Variants in MACROD2 observed in about 807,000 individuals in gnomAD.
The protein encoded by MACROD2 is ADP-ribose glycohydrolase MACROD2.
In MACROD2, 36 loss-of-function variants were observed where a neutral mutation model predicts 70.4. The ratio of observed to expected loss-of-function variants is 0.51; its 90% CI spans 0.39 to 0.68. MACROD2 has a LOEUF of 0.68. Ranked by LOEUF, MACROD2 falls within the 30% of genes least tolerant of loss-of-function variation. MACROD2 has a pLI of 0.00. For missense variants in MACROD2, 496 were observed against 538.4 expected (o/e 0.92, Z 0.78); for synonymous variants, 172 against 178.8 (o/e 0.96, Z 0.30).
intron 8 of MACROD2, among the ~76,000 whole-genome samples, chr20:15,589,282 G>A (rs1000483726): frequency 1.5e-4 from 23 of 152,210 alleles, no homozygotes; most frequent in African/African-American, 5.3e-4. Flanking sequence ...TGGGAATTCT[G>A]GGAGATACAA....
chr20:14,869,863 C>T (rs1049698750), intron 5 of MACROD2, among the ~76,000 whole-genome samples: 4 of 152,072 alleles, frequency 2.6e-5, no homozygotes, highest in Admixed American at 6.6e-5. Flanking sequence ...ATGTCTCGTT[C>T]ACCTCAAATT....
At chr20:14,641,807 A>C (rs1156816336) in intron 4 of MACROD2, among the ~76,000 whole-genome samples, 1 of 152,204 alleles carries the variant, frequency 6.6e-6, no homozygotes, top group East Asian at 1.9e-4. Context: ...TTGTTGCTCC[A>C]TTTATAAAGC....
chr20:15,709,141 A>G (rs767039149), intron 8 of MACROD2, among the ~76,000 whole-genome samples: 7 of 152,162 alleles, frequency 4.6e-5, no homozygotes, highest in Admixed American at 2.6e-4. Context: ...CCCCACCTAT[A>G]GGAAAAGCAC....
intron 9 of MACROD2, among the ~76,000 whole-genome samples, chr20:15,866,616 T>C (rs2064497283): frequency 6.6e-6 from 1 of 152,170 alleles, no homozygotes; most frequent in Non-Finnish European, 1.5e-5. Context: ...ATAGGTTCGT[T>C]TTCTCAGAGC....
At chr20:14,930,322 C>T (rs1568882462) in intron 5 of MACROD2, among the ~76,000 whole-genome samples, 1 of 152,100 alleles carries the variant, frequency 6.6e-6, no homozygotes, top group Non-Finnish European at 1.5e-5. Flanking sequence ...ACCTTGTTGT[C>T]AATGTGGAAT....
At chr20:14,241,122 A>G (rs1258543298) in intron 3 of MACROD2, among the ~76,000 whole-genome samples, 2 of 152,234 alleles carry the variant, frequency 1.3e-5, no homozygotes, top group African/African-American at 2.4e-5. Flanking sequence ...TCTCAAAAAA[A>G]AAAAGTTTTT....
At chr20:15,096,998 G>C (rs573858141) in intron 5 of MACROD2, among the ~76,000 whole-genome samples, 2 of 151,044 alleles carry the variant, frequency 1.3e-5, no homozygotes, top group African/African-American at 4.9e-5. Flanking sequence ...TTTTAGTAAA[G>C]ACAGGGTTTC....
intron 5 of MACROD2, among the ~76,000 whole-genome samples, chr20:14,953,125 T>C (rs781183375): frequency 6.6e-6 from 1 of 152,086 alleles, no homozygotes. Context: ...GGCCTGGTCA[T>C]CTTATTTTAT....
chr20:14,586,006 A>G (rs1225322314), intron 4 of MACROD2, among the ~76,000 whole-genome samples: 1 of 152,174 alleles, frequency 6.6e-6, no homozygotes, highest in Non-Finnish European at 1.5e-5. Flanking sequence ...TGTTATAAGG[A>G]CAACCAGTGC....
At chr20:14,925,130 G>T (rs2074214149) in intron 5 of MACROD2, among the ~76,000 whole-genome samples, 1 of 151,832 alleles carries the variant, frequency 6.6e-6, no homozygotes, top group Non-Finnish European at 1.5e-5. Context: ...ACGATCTCCT[G>T]TGTTTTTTGT....
At chr20:14,314,100 T>G (rs1012589924) in intron 3 of MACROD2, among the ~76,000 whole-genome samples, 4 of 152,230 alleles carry the variant, frequency 2.6e-5, no homozygotes, top group African/African-American at 4.8e-5. Context: ...AACAAAAAAA[T>G]GTACTGGGAT....
chr20:14,564,569 A>G (rs1979652491), intron 4 of MACROD2, among the ~76,000 whole-genome samples: 1 of 152,086 alleles, frequency 6.6e-6, no homozygotes, highest in Admixed American at 6.6e-5. Flanking sequence ...AAAAGAAGAC[A>G]TACAAGCACC....
At chr20:14,775,304 G>A (rs535312596) in intron 5 of MACROD2, among the ~76,000 whole-genome samples, 36 of 152,086 alleles carry the variant, frequency 2.4e-4, no homozygotes, top group African/African-American at 6.0e-4. Context: ...TACCTGAGGC[G>A]GGGTAATTTA....
rs2084913400 is a variant in MACROD2 at position 14,501,411 on chromosome 20, CTTGTCA to C, written c.301+7907_301+7912del. 2.6e-5 allele frequency among the ~76,000 whole-genome samples: 4 copies of C among 151,538 alleles called. No individual in the cohort carries two copies. The South Asian group carries it at 8.3e-4, about 31-fold the overall frequency. On this transcript the variant is annotated intron_variant, in intron 4 of 17. Coordinates refer to ENST00000684519, the MANE Select transcript of MACROD2 (RefSeq NM_001351661.2). ...TTTGTCTTTTACATACTACAGGTAACTTGTCATTGACATCATATTACTAATATGTAT... is the reference window on the plus strand; with the variant it reads ...TTTGTCTTTTACATACTACAGGTAACTTGACATCATATTACTAATATGTAT...
intron 8 of MACROD2, among the ~76,000 whole-genome samples, chr20:15,604,763 A>G (rs998684978): frequency 1.3e-5 from 2 of 152,194 alleles, no homozygotes; most frequent in African/African-American, 2.4e-5. Context: ...ATGACACAGC[A>G]AAGTCTGTGC....
intron 6 of MACROD2, among the ~76,000 whole-genome samples, chr20:15,303,118 T>C (rs2077662825): frequency 6.6e-6 from 1 of 152,198 alleles, no homozygotes; most frequent in Non-Finnish European, 1.5e-5. Context: ...CCTTTAAACA[T>C]GTATCTATAA....
chr20:14,943,352 A>G (rs1412869289), intron 5 of MACROD2, among the ~76,000 whole-genome samples: 1 of 152,076 alleles, frequency 6.6e-6, no homozygotes, highest in Non-Finnish European at 1.5e-5. Context: ...GTTTTATAGT[A>G]CAGATTTTTT....
chr20:15,276,600 C>A (rs1600184698), intron 6 of MACROD2, among the ~76,000 whole-genome samples: 1 of 144,124 alleles, frequency 6.9e-6, no homozygotes, highest in Non-Finnish European at 1.6e-5. Context: ...AAATACGGGG[C>A]CCTTTCTTCT....
At chr20:15,145,061 T>G (rs2076220688) in intron 5 of MACROD2, among the ~76,000 whole-genome samples, 1 of 152,136 alleles carries the variant, frequency 6.6e-6, no homozygotes, top group Admixed American at 6.5e-5. Flanking sequence ...CAATGAAAGT[T>G]ATTTTTAACT....
Sources: allele counts gnomAD v4.1 joint callset (sites outside exome capture counted in the v4.1 genomes callset), GRCh38; gene constraint gnomAD v4.1.1; transcripts MANE v1.5; gene names NCBI Gene and HGNC (gene_info 2026-07-23, HGNC 2026-07-21).